ZNG1B: variants seen among roughly 807,000 people sequenced by gnomAD.
ZNG1B encodes zinc-regulated GTPase metalloprotein activator 1B.
the ZNG1B span, among the ~76,000 whole-genome samples, chr2:113,454,309 A>G: frequency 2.0e-5 from 3 of 152,196 alleles, no homozygotes; most frequent in Non-Finnish European, 2.9e-5. Flanking sequence ...AAGATGTCTC[A>G]TTCTTTCGGC....
the ZNG1B span, chr2:113,443,748 T>G: frequency 6.2e-7 from 1 of 1,613,670 alleles, no homozygotes; most frequent in Admixed American, 1.7e-5. Flanking sequence ...TAAAGAGTGC[T>G]GTTTGTTAAT....
the ZNG1B span, among the ~76,000 whole-genome samples, chr2:113,468,037 G>A: frequency 1.3e-5 from 2 of 152,056 alleles, no homozygotes; most frequent in South Asian, 2.1e-4. Context: ...GCTAATCTCC[G>A]AGGTATAGGA....
the ZNG1B span, among the ~76,000 whole-genome samples, chr2:113,463,881 G>A: frequency 6.6e-6 from 1 of 151,686 alleles, no homozygotes; most frequent in Non-Finnish European, 1.5e-5. Context: ...AGAAAAAGAT[G>A]GCTGATTTTG....
At chr2:113,445,978 C>A in the ZNG1B span, among the ~76,000 whole-genome samples, 1 of 151,908 alleles carries the variant, frequency 6.6e-6, no homozygotes, top group African/African-American at 2.4e-5. Flanking sequence ...ATAACATCAT[C>A]CCCATGTTTT....
At chr2:113,494,472 C>T in the ZNG1B span, 1 of 663,670 alleles carries the variant, frequency 1.5e-6, no homozygotes, top group Non-Finnish European at 1.8e-6. Context: ...AAAGTGTATG[C>T]TTAACCAGTC....
At chr2:113,469,746 G>C in the ZNG1B span, 1 of 143,286 alleles carries the variant, frequency 7.0e-6, no homozygotes, top group Non-Finnish European at 1.5e-5. Flanking sequence ...ATAGACTGTT[G>C]AGAATAAAGA....
At chr2:113,445,144 A>G in the ZNG1B span, 1 of 1,537,342 alleles carries the variant, frequency 6.5e-7, no homozygotes, top group Admixed American at 1.9e-5. Flanking sequence ...ATGAGGATTA[A>G]AGCTTTTGTT....
At chr2:113,478,318 C>G in the ZNG1B span, among the ~76,000 whole-genome samples, 1 of 152,088 alleles carries the variant, frequency 6.6e-6, no homozygotes, top group Non-Finnish European at 1.5e-5. Context: ...CTCTGTCACT[C>G]AGGCTGGAGT....
chr2:113,472,246 A>G, the ZNG1B span, among the ~76,000 whole-genome samples: 4 of 151,686 alleles, frequency 2.6e-5, no homozygotes, highest in Non-Finnish European at 2.9e-5. Flanking sequence ...GATGGTGAGC[A>G]TTTTTTCATG....
At chr2:113,488,604 A>T in the ZNG1B span, among the ~76,000 whole-genome samples, 32 of 80,724 alleles carry the variant, frequency 4.0e-4, 1 homozygote, top group Admixed American at 1.3e-3. Flanking sequence ...GTAAAGATAT[A>T]AAAAAAAAAA....
At chr2:113,440,220 A>G in the ZNG1B span, among the ~76,000 whole-genome samples, 1 of 151,972 alleles carries the variant, frequency 6.6e-6, no homozygotes, top group African/African-American at 2.4e-5. Flanking sequence ...GGCAGAGACT[A>G]TCTTGTTCAC....
At chr2:113,442,315 T>G in the ZNG1B span, among the ~76,000 whole-genome samples, 1 of 152,306 alleles carries the variant, frequency 6.6e-6, no homozygotes, top group South Asian at 2.1e-4. Context: ...ACTTCTGTTA[T>G]CTTTATAGAA....
chr2:113,476,794 G>A, the ZNG1B span, among the ~76,000 whole-genome samples: 1 of 152,212 alleles, frequency 6.6e-6, no homozygotes, highest in Non-Finnish European at 1.5e-5. Flanking sequence ...GTGTCAGTCT[G>A]CCTCTGCTAG....
chr2:113,487,319 C>T, the ZNG1B span, among the ~76,000 whole-genome samples: 4 of 151,814 alleles, frequency 2.6e-5, no homozygotes, highest in East Asian at 3.9e-4. Context: ...TGTATAACAA[C>T]AAAATTGCCC....
chr2:113,475,383 C>G, the ZNG1B span, among the ~76,000 whole-genome samples: 1 of 151,926 alleles, frequency 6.6e-6, no homozygotes, highest in African/African-American at 2.4e-5. Context: ...CTATGTGTGT[C>G]TCTGCACGTG....
the ZNG1B span, chr2:113,454,812 T>C: frequency 6.4e-7 from 1 of 1,560,448 alleles, no homozygotes; most frequent in African/African-American, 1.4e-5. Flanking sequence ...TGGCTCATTA[T>C]TGAGAGCTGG....
chr2:113,486,839 T>C, the ZNG1B span, among the ~76,000 whole-genome samples: 2 of 152,328 alleles, frequency 1.3e-5, no homozygotes, highest in African/African-American at 4.8e-5. Flanking sequence ...GTTTTCCAAC[T>C]TGCATTAAAA....
At chr2:113,461,799 A>G in the ZNG1B span, among the ~76,000 whole-genome samples, 4 of 151,702 alleles carry the variant, frequency 2.6e-5, no homozygotes, top group South Asian at 2.1e-4. Context: ...GAGTCTTGCT[A>G]TGTTGCCCAG....
the ZNG1B span, among the ~76,000 whole-genome samples, chr2:113,474,007 G>A: frequency 6.6e-6 from 1 of 151,346 alleles, no homozygotes; most frequent in African/African-American, 2.4e-5. Context: ...CTCATAAAAT[G>A]AGTTAGGGAG....
Sources: gnomAD v4.1 joint callset for allele counts (sites outside exome capture counted in the v4.1 genomes callset) on GRCh38, gnomAD v4.1.1 for gene constraint, MANE v1.5 for transcripts, NCBI Gene and HGNC (gene_info 2026-07-23, HGNC 2026-07-21) for gene names.